PPM1H: variants seen among roughly 807,000 people sequenced by gnomAD.
PPM1H encodes the protein protein phosphatase 1H.
In PPM1H, 27 loss-of-function variants were observed where a neutral mutation model predicts 54.9. The observed-to-expected ratio is 0.49, with a 90% CI of 0.36 to 0.68. The LOEUF (loss-of-function observed/expected upper bound fraction) is 0.68, where lower values mean the gene tolerates loss of function less well. Ranked by LOEUF, PPM1H falls within the 30% of genes least tolerant of loss-of-function variation. PPM1H has a pLI of 0.00. For synonymous variants in PPM1H, 305 were observed against 270.8 expected (o/e 1.13, Z -1.24); for missense variants, 596 against 667.8 (o/e 0.89, Z 1.19).
intron 1 of PPM1H, among the ~76,000 whole-genome samples, chr12:62,881,033 C>T (rs555386077): frequency 6.6e-5 from 10 of 152,308 alleles, no homozygotes; most frequent in African/African-American, 1.9e-4. Context: ...ATGGTGTCCC[C>T]TTGTAACTCC....
At chr12:62,785,980 T>A (rs1236444355) in intron 4 of PPM1H, among the ~76,000 whole-genome samples, 1 of 152,068 alleles carries the variant, frequency 6.6e-6, no homozygotes, top group Non-Finnish European at 1.5e-5. Context: ...GGTCATCTGG[T>A]GAAAGGCACT....
chr12:62,892,004 T>C (rs552180361), intron 1 of PPM1H, among the ~76,000 whole-genome samples: 3 of 152,310 alleles, frequency 2.0e-5, no homozygotes, highest in Non-Finnish European at 4.4e-5. Context: ...AGTTTATGAT[T>C]AACTTATGGC....
At chr12:62,749,988 G>C (rs568874908) in intron 4 of PPM1H, among the ~76,000 whole-genome samples, 1 of 151,826 alleles carries the variant, frequency 6.6e-6, no homozygotes, top group African/African-American at 2.4e-5. Flanking sequence ...ATGAAACCCA[G>C]TGCGCCAGCG....
intron 8 of PPM1H, among the ~76,000 whole-genome samples, chr12:62,686,014 T>A (rs1048615389): frequency 9.9e-5 from 15 of 152,224 alleles, no homozygotes; most frequent in African/African-American, 3.4e-4. Flanking sequence ...TCTAAGAGCA[T>A]TTAAATTTTT....
At chr12:62,735,876 G>T (rs183358122) in intron 5 of PPM1H, among the ~76,000 whole-genome samples, 2 of 152,338 alleles carry the variant, frequency 1.3e-5, no homozygotes, top group Admixed American at 1.3e-4. Flanking sequence ...GGGGGTCAGA[G>T]ATCAGAGAAA....
At chr12:62,709,343 G>C (rs1307294897) in intron 6 of PPM1H, among the ~76,000 whole-genome samples, 1 of 152,178 alleles carries the variant, frequency 6.6e-6, no homozygotes, top group Non-Finnish European at 1.5e-5. Flanking sequence ...GCCTGGCACA[G>C]CAGGGAGGCT....
At chr12:62,894,997 C>T (rs1870932791) in intron 1 of PPM1H, among the ~76,000 whole-genome samples, 1 of 152,078 alleles carries the variant, frequency 6.6e-6, no homozygotes, top group African/African-American at 2.4e-5. Context: ...TTAAAGTTAC[C>T]AGCATCAGTT....
rs140017899 is a variant in PPM1H at position 62,923,200 on chromosome 12, G to A, written c.245+11292C>T. Among the ~76,000 whole-genome samples, 385 of 152,124 alleles carry A rather than the reference G, an allele frequency of 2.5e-3. 5 individuals are homozygous for A. Among genetic ancestry groups the A allele is most frequent in the African/African-American group, 8.4e-3 (349 of 41,486 alleles). ...AAAGAACTTAAAAGCATAAATTAAG[G>A]CCACTGCACTAAAGGAAAAACAAGC... On this transcript the variant is annotated intron_variant, in intron 1 of 9. Coordinates refer to ENST00000228705, the MANE Select transcript of PPM1H (RefSeq NM_020700.2).
chr12:62,891,070 T>A (rs149373394), intron 1 of PPM1H, among the ~76,000 whole-genome samples: 1 of 144,304 alleles, frequency 6.9e-6, no homozygotes, highest in Non-Finnish European at 1.5e-5. Flanking sequence ...GATCACGCCA[T>A]TGCACTCCAG....
At chr12:62,682,992 A>C (rs1481253501) in intron 8 of PPM1H, among the ~76,000 whole-genome samples, 1 of 147,282 alleles carries the variant, frequency 6.8e-6, no homozygotes, top group African/African-American at 2.5e-5. Flanking sequence ...ATTATTTATA[A>C]ATTTATTATT....
chr12:62,852,228 CAAAA>C (rs59673617), intron 1 of PPM1H, among the ~76,000 whole-genome samples: 4 of 60,400 alleles, frequency 6.6e-5, no homozygotes, highest in South Asian at 5.9e-4. Flanking sequence ...GACTCTGTCT[CAAAA>C]AAAAAAAAAA....
intron 1 of PPM1H, among the ~76,000 whole-genome samples, chr12:62,840,420 G>A (rs756447742): frequency 1.3e-5 from 2 of 152,180 alleles, no homozygotes; most frequent in Non-Finnish European, 2.9e-5. Flanking sequence ...GGGGAGGGAT[G>A]CACACATTTA....
intron 2 of PPM1H, among the ~76,000 whole-genome samples, chr12:62,829,547 C>T (rs576614800): frequency 6.6e-6 from 1 of 152,306 alleles, no homozygotes; most frequent in South Asian, 2.1e-4. Flanking sequence ...AAGCTCAACT[C>T]TTGTCTTAAA....
chr12:62,852,336 G>A (rs748234271), intron 1 of PPM1H, among the ~76,000 whole-genome samples: 1 of 151,722 alleles, frequency 6.6e-6, no homozygotes, highest in Non-Finnish European at 1.5e-5. Flanking sequence ...GAAACCCCTG[G>A]GAGCTCTCTG....
At chr12:62,874,122 GCA>G (rs1870082179) in intron 1 of PPM1H, among the ~76,000 whole-genome samples, 1 of 152,192 alleles carries the variant, frequency 6.6e-6, no homozygotes. Flanking sequence ...ATCCCGAAAT[GCA>G]AGAAGCCACT....
intron 1 of PPM1H, among the ~76,000 whole-genome samples, chr12:62,919,594 A>C (rs868654891): frequency 6.6e-6 from 1 of 152,150 alleles, no homozygotes; most frequent in Non-Finnish European, 1.5e-5. Context: ...ATTTTTTTTA[A>C]TAGAAGTAAT....
At chr12:62,891,981 G>C (rs1026786521) in intron 1 of PPM1H, among the ~76,000 whole-genome samples, 15 of 152,076 alleles carry the variant, frequency 9.9e-5, no homozygotes, top group Non-Finnish European at 2.9e-5. Context: ...AGAACTCTTA[G>C]GAATTGTTTT....
chr12:62,864,097 G>T (rs1869695091), intron 1 of PPM1H, among the ~76,000 whole-genome samples: 1 of 152,186 alleles, frequency 6.6e-6, no homozygotes, highest in South Asian at 2.1e-4. Context: ...GCCAGGTAAG[G>T]GTGCTACAGG....
chr12:62,750,947 T>A (rs2076439396), intron 4 of PPM1H, among the ~76,000 whole-genome samples: 1 of 152,226 alleles, frequency 6.6e-6, no homozygotes, highest in Non-Finnish European at 1.5e-5. Context: ...GGTCAATATC[T>A]AAAATTCACA....
Sources: allele counts gnomAD v4.1 joint callset (sites outside exome capture counted in the v4.1 genomes callset), GRCh38; gene constraint gnomAD v4.1.1; transcripts MANE v1.5; gene names NCBI Gene and HGNC (gene_info 2026-07-23, HGNC 2026-07-21).